The following DLG2 variants were observed in gnomAD, a reference collection of about 807,000 sequenced individuals.
The protein encoded by DLG2 is disks large homolog 2.
Under a neutral mutation model 132.5 loss-of-function variants are expected in DLG2, and 45 were observed. The observed-to-expected ratio is 0.34, with a 90% CI of 0.27 to 0.44. The LOEUF is 0.44. Ranked by LOEUF, DLG2 falls within the 20% of genes least tolerant of loss-of-function variation. The probability of loss-of-function intolerance (pLI) is 1.00; values close to 1 mark genes in which losing one functional copy is unlikely to be tolerated. For missense variants in DLG2, 1,045 were observed against 1,196.9 expected (o/e 0.87, Z 1.87); for synonymous variants, 424 against 419.6 (o/e 1.01, Z -0.13).
chr11:85,352,719 A>G (rs1422850322), intron 3 of DLG2, among the ~76,000 whole-genome samples: 2 of 152,232 alleles, frequency 1.3e-5, no homozygotes, highest in African/African-American at 2.4e-5. Context: ...CAAACCTGAC[A>G]AAAACAAGAA....
At chr11:84,648,884 TA>T (rs1490848623) in intron 6 of DLG2, among the ~76,000 whole-genome samples, 1 of 151,966 alleles carries the variant, frequency 6.6e-6, no homozygotes, top group African/African-American at 2.4e-5. Flanking sequence ...ATGAGCCAAA[TA>T]AAAATTTTTT....
intron 2 of DLG2, among the ~76,000 whole-genome samples, chr11:85,605,496 G>C (rs533250911): frequency 4.6e-5 from 7 of 152,232 alleles, no homozygotes; most frequent in Middle Eastern, 3.4e-3. Flanking sequence ...TTATAAGTCT[G>C]GTAGATAGAG....
At chr11:83,602,266 A>G (rs1373697594) in intron 19 of DLG2, among the ~76,000 whole-genome samples, 1 of 152,220 alleles carries the variant, frequency 6.6e-6, no homozygotes, top group Non-Finnish European at 1.5e-5. Context: ...CTTACAAAAC[A>G]CTTAATTGAT....
At chr11:85,218,397 G>T (rs2082758464) in intron 4 of DLG2, among the ~76,000 whole-genome samples, 1 of 152,056 alleles carries the variant, frequency 6.6e-6, no homozygotes, top group Non-Finnish European at 1.5e-5. Flanking sequence ...ATTAGACAAT[G>T]AGCAAAGGAT....
chr11:84,317,437 G>C, intron 7 of DLG2: 1 of 1,130,144 alleles, frequency 8.8e-7, no homozygotes, highest in Non-Finnish European at 1.1e-6. Flanking sequence ...ACACAGCTGG[G>C]CTACAAGACT....
chr11:84,569,528 AAAAAT>A (rs1377704154), intron 6 of DLG2, among the ~76,000 whole-genome samples: 1 of 152,190 alleles, frequency 6.6e-6, no homozygotes, highest in Non-Finnish European at 1.5e-5. Flanking sequence ...AAGTTTGAAA[AAAAAT>A]AAAATAATAA....
intron 5 of DLG2, among the ~76,000 whole-genome samples, chr11:85,134,294 C>G (rs2075980410): frequency 6.7e-6 from 1 of 149,962 alleles, no homozygotes; most frequent in Non-Finnish European, 1.5e-5. Flanking sequence ...TCTTGGGAGG[C>G]CGAGGCGGGC....
Position 84,756,645 on chromosome 11 carries a change from C to T in DLG2, c.358-221914G>A, listed in dbSNP as rs562509498. 7.9e-5 allele frequency among the ~76,000 whole-genome samples: 12 copies of T among 152,154 alleles called. No individual in the cohort carries two copies. In the East Asian group the frequency reaches 1.9e-3, roughly 25 times the overall value. ...TAGTATACACAAAGTGGATACATAA[C>T]AGTTACTATTTTTCTTTCCTCGTCT... On this transcript the variant is annotated intron_variant, in intron 6 of 27. Coordinates refer to ENST00000376104, the MANE Select transcript of DLG2 (RefSeq NM_001142699.3).
At chr11:83,679,145 T>A (rs1214294822) in intron 18 of DLG2, among the ~76,000 whole-genome samples, 1 of 152,218 alleles carries the variant, frequency 6.6e-6, no homozygotes, top group African/African-American at 2.4e-5. Flanking sequence ...CACTGCTATA[T>A]GCCAATTTAC....
chr11:85,410,402 C>T (rs1363692590), intron 3 of DLG2, among the ~76,000 whole-genome samples: 2 of 151,674 alleles, frequency 1.3e-5, no homozygotes, highest in African/African-American at 4.8e-5. Flanking sequence ...CCATAAGCCA[C>T]TTTTGAGTAA....
intron 4 of DLG2, among the ~76,000 whole-genome samples, chr11:85,178,457 A>G (rs2079474107): frequency 6.6e-6 from 1 of 151,966 alleles, no homozygotes; most frequent in Non-Finnish European, 1.5e-5. Context: ...AAAGCTACAG[A>G]TCCAAAAATC....
At chr11:85,082,282 C>T (rs1427636898) in intron 6 of DLG2, among the ~76,000 whole-genome samples, 1 of 152,022 alleles carries the variant, frequency 6.6e-6, no homozygotes, top group African/African-American at 2.4e-5. Flanking sequence ...TAAAGCATTT[C>T]AGCTTCAGGC....
intron 11 of DLG2, among the ~76,000 whole-genome samples, chr11:84,004,988 C>G (rs948772649): frequency 2.1e-5 from 3 of 145,456 alleles, no homozygotes; most frequent in Non-Finnish European, 4.5e-5. Flanking sequence ...CAATCCTGAG[C>G]AAAAACAAAC....
At chr11:85,482,973 C>T (rs912340269) in intron 3 of DLG2, among the ~76,000 whole-genome samples, 2 of 152,210 alleles carry the variant, frequency 1.3e-5, no homozygotes, top group African/African-American at 4.8e-5. Context: ...GGAAAATATA[C>T]ATATATCTCT....
At position 85,285,342 on chromosome 11, in the gene DLG2, T is replaced by A; in HGVS notation, c.64A>T (p.Thr22Ser). ...LLDIQEFYEV[T>S]LLNSQKSCEQ... Reference sequence around the variant, plus strand: ...CAACTTTTTTGAGAATTTAGCAATGTCACCTCATAAAATTCTTGGATATCT... The same window carrying A: ...CAACTTTTTTGAGAATTTAGCAATGACACCTCATAAAATTCTTGGATATCT... Residue 22 changes from threonine to serine, a missense_variant, in exon 4 of 28, where the codon ACA (threonine) becomes TCA (serine). Coordinates refer to ENST00000376104, the MANE Select transcript of DLG2 (RefSeq NM_001142699.3). The A allele has an allele frequency of 1.2e-6, 2 of 1,611,138 alleles. No individual in the cohort carries two copies. Among genetic ancestry groups the A allele is most frequent in the Non-Finnish European group, 1.7e-6 (2 of 1,178,362 alleles).
chr11:85,546,367 T>C (rs1336704422), intron 3 of DLG2, among the ~76,000 whole-genome samples: 2 of 152,236 alleles, frequency 1.3e-5, no homozygotes, highest in African/African-American at 4.8e-5. Flanking sequence ...CTGTTTGTTA[T>C]GATTTCCGTT....
At chr11:83,509,914 AG>A (rs1419350568) in intron 21 of DLG2, among the ~76,000 whole-genome samples, 1 of 152,120 alleles carries the variant, frequency 6.6e-6, no homozygotes, top group Non-Finnish European at 1.5e-5. Flanking sequence ...GGCTCACACT[AG>A]GGGACGGAAT....
chr11:83,545,557 T>G (rs2096217989), intron 19 of DLG2, among the ~76,000 whole-genome samples: 1 of 152,054 alleles, frequency 6.6e-6, no homozygotes, highest in Non-Finnish European at 1.5e-5. Context: ...TCAGGTGACT[T>G]TTGAAAGCCC....
intron 19 of DLG2, among the ~76,000 whole-genome samples, chr11:83,549,160 C>T (rs980927189): frequency 6.6e-6 from 1 of 152,094 alleles, no homozygotes; most frequent in African/African-American, 2.4e-5. Context: ...TTCTATGCAG[C>T]AAGAGAAAGA....
Sources: gnomAD v4.1 joint callset for allele counts (sites outside exome capture counted in the v4.1 genomes callset) on GRCh38, gnomAD v4.1.1 for gene constraint, MANE v1.5 for transcripts, NCBI Gene and HGNC (gene_info 2026-07-23, HGNC 2026-07-21) for gene names.